The following SNTG1 variants were observed in gnomAD, a reference collection of about 807,000 sequenced individuals.
The protein encoded by SNTG1 is gamma-1-syntrophin.
SNTG1 carries 39 observed loss-of-function variants against 74.7 expected under a neutral mutation model. That is an observed-to-expected ratio of 0.52 (90% confidence interval 0.40 to 0.68). The LOEUF (loss-of-function observed/expected upper bound fraction) is 0.68, where lower values mean the gene tolerates loss of function less well. Ranked by LOEUF, SNTG1 falls within the 30% of genes least tolerant of loss-of-function variation. The pLI, the probability that SNTG1 is intolerant of heterozygous loss-of-function variation, is 0.00. For synonymous variants in SNTG1, 254 were observed against 217.1 expected, an observed-to-expected ratio of 1.17 and a Z score of -1.49; for missense variants, 685 against 609.5, an observed-to-expected ratio of 1.12 and a Z score of -1.30.
At chr8:50,013,220 T>C (rs530884229) in intron 1 of SNTG1, among the ~76,000 whole-genome samples, 65 of 152,228 alleles carry the variant, frequency 4.3e-4, no homozygotes, top group African/African-American at 1.5e-3. Flanking sequence ...GTACTATTCT[T>C]TGAGTGACAG....
chr8:50,520,650 A>G (rs546530184), intron 9 of SNTG1, among the ~76,000 whole-genome samples: 15 of 152,342 alleles, frequency 9.8e-5, no homozygotes, highest in Admixed American at 2.0e-4. Flanking sequence ...ACATCTATGC[A>G]GCCAACAGAC....
chr8:50,061,115 A>T (rs973462444), intron 1 of SNTG1, among the ~76,000 whole-genome samples: 2 of 152,166 alleles, frequency 1.3e-5, no homozygotes, highest in African/African-American at 2.4e-5. Flanking sequence ...GCTGTGTAAA[A>T]TTATTGTTAA....
rs147031190 is a variant in SNTG1, at chr8:50,223,069, T to C, written c.-28+50434T>C. On this transcript the variant is annotated intron_variant, in intron 2 of 18. Coordinates refer to ENST00000642720, the MANE Select transcript of SNTG1 (RefSeq NM_018967.5). ...ACCTTGGTACCAATAAATTTGAAAA[T>C]TTATATAAATTTAAAATTTTCCAGG... Among the ~76,000 whole-genome samples the C allele has an allele frequency of 2.6e-5, 4 of 152,042 alleles. No individual in the cohort carries two copies. The East Asian group carries it at 7.8e-4, about 29-fold the overall frequency.
chr8:50,354,742 G>A (rs1005385671), intron 2 of SNTG1, among the ~76,000 whole-genome samples: 2 of 152,174 alleles, frequency 1.3e-5, no homozygotes, highest in African/African-American at 4.8e-5. Flanking sequence ...CAGTCAAGAT[G>A]TCAGCCAGGC....
intron 5 of SNTG1, among the ~76,000 whole-genome samples, chr8:50,446,281 A>G (rs1230964179): frequency 6.6e-6 from 1 of 151,830 alleles, no homozygotes; most frequent in Non-Finnish European, 1.5e-5. Context: ...TTCCAATTTT[A>G]TCTTCTGAGT....
chr8:50,657,011 T>A lies in SNTG1; in HGVS notation c.952T>A (p.Phe318Ile). ...CCTGAGGGGCTCATGTCTCTACAAGTTTCTGGCACCTCCAGTACGTGTTTT... is the reference window on the plus strand; with the variant it reads ...CCTGAGGGGCTCATGTCTCTACAAGATTCTGGCACCTCCAGTACGTGTTTT... ...LALRGSCLYK[F>I]LAPPVTTWDW... Residue 318 changes from phenylalanine to isoleucine, a missense_variant, in exon 14 of 19, where the codon TTT becomes ATT. Coordinates refer to ENST00000642720, the MANE Select transcript of SNTG1 (RefSeq NM_018967.5). The A allele has an allele frequency of 6.5e-7, 1 of 1,549,268 alleles. No homozygotes were observed. Among genetic ancestry groups the A allele is most frequent in the Non-Finnish European group, 8.7e-7 (1 of 1,151,008 alleles).
intron 2 of SNTG1, among the ~76,000 whole-genome samples, chr8:50,255,307 T>C (rs1347228901): frequency 1.3e-5 from 2 of 152,210 alleles, no homozygotes; most frequent in Non-Finnish European, 2.9e-5. Flanking sequence ...CTCTAGTAAG[T>C]TCCTTTCTAA....
intron 12 of SNTG1, among the ~76,000 whole-genome samples, chr8:50,555,888 G>A (rs1268752403): frequency 1.3e-5 from 2 of 152,048 alleles, no homozygotes; most frequent in African/African-American, 4.8e-5. Context: ...GAACAGACAG[G>A]GGAAGGATAA....
intron 2 of SNTG1, among the ~76,000 whole-genome samples, chr8:50,262,018 T>A (rs1274488651): frequency 6.6e-6 from 1 of 152,068 alleles, no homozygotes; most frequent in Non-Finnish European, 1.5e-5. Flanking sequence ...TGTGCTCAGA[T>A]CACAGTAAAA....
chr8:50,785,473 T>G (rs10958118), intron 18 of SNTG1, among the ~76,000 whole-genome samples: 65,612 of 151,486 alleles, frequency 0.43, 16,337 homozygotes, highest in African/African-American at 0.7. Context: ...GACTCAAAGA[T>G]AAATCAATAA....
chr8:50,469,362 C>T (rs2131732731), intron 8 of SNTG1, among the ~76,000 whole-genome samples: 1 of 152,202 alleles, frequency 6.6e-6, no homozygotes, highest in African/African-American at 2.4e-5. Flanking sequence ...GACTGCACTC[C>T]CTATTCCCCT....
At chr8:50,553,933 C>A (rs1364670277) in intron 12 of SNTG1, among the ~76,000 whole-genome samples, 1 of 152,116 alleles carries the variant, frequency 6.6e-6, no homozygotes, top group Non-Finnish European at 1.5e-5. Context: ...ATTCTCTCCT[C>A]AGTCCGCAAT....
intron 1 of SNTG1, among the ~76,000 whole-genome samples, chr8:50,106,066 A>G (rs1433121883): frequency 2.0e-5 from 3 of 151,972 alleles, no homozygotes; most frequent in African/African-American, 4.8e-5. Flanking sequence ...TCCAGTATGT[A>G]TTAGTCTATT....
chr8:50,501,424 C>G (rs1185370578), intron 8 of SNTG1, among the ~76,000 whole-genome samples: 8 of 96,938 alleles, frequency 8.3e-5, no homozygotes, highest in African/African-American at 3.3e-4. Flanking sequence ...TGAGCCTGTG[C>G]GTTTTTTTTT....
intron 2 of SNTG1, among the ~76,000 whole-genome samples, chr8:50,391,564 A>T (rs1291818259): frequency 6.6e-6 from 1 of 152,172 alleles, no homozygotes; most frequent in Non-Finnish European, 1.5e-5. Context: ...AGACTTTGTT[A>T]TCAGGATGAT....
intron 1 of SNTG1, among the ~76,000 whole-genome samples, chr8:50,118,316 A>T (rs1043782194): frequency 1.3e-5 from 2 of 152,166 alleles, no homozygotes; most frequent in Non-Finnish European, 2.9e-5. Flanking sequence ...TTTAAAAAAA[A>T]ATTACATGTA....
intron 2 of SNTG1, among the ~76,000 whole-genome samples, chr8:50,376,729 TTATATATATATA>T (rs375978893): frequency 2.0e-4 from 20 of 100,610 alleles, no homozygotes; most frequent in Admixed American, 4.8e-4. Context: ...TATTAATAAA[TTATATATATATA>T]TATATATATA....
At chr8:50,100,137 T>G (rs1209675995) in intron 1 of SNTG1, among the ~76,000 whole-genome samples, 1 of 152,000 alleles carries the variant, frequency 6.6e-6, no homozygotes, top group African/African-American at 2.4e-5. Flanking sequence ...GGGAAGACAT[T>G]AAAGTAAGTG....
At chr8:50,632,256 C>G (rs1252907954) in intron 13 of SNTG1, among the ~76,000 whole-genome samples, 1 of 151,318 alleles carries the variant, frequency 6.6e-6, no homozygotes. Context: ...AATATCATGG[C>G]ATGTATTTTA....
Sources: allele counts gnomAD v4.1 joint callset (sites outside exome capture counted in the v4.1 genomes callset), GRCh38; gene constraint gnomAD v4.1.1; transcripts MANE v1.5; gene names NCBI Gene and HGNC (gene_info 2026-07-23, HGNC 2026-07-21).